The following ADAM22 variants were observed in gnomAD, a reference collection of about 807,000 sequenced individuals.
ADAM22 encodes the protein ADAM metallopeptidase domain 22.
A neutral mutation model predicts 144.6 loss-of-function variants in ADAM22; 65 were observed. That is an observed-to-expected ratio of 0.45 (90% CI 0.37 to 0.55). The LOEUF is 0.55. Among genes scored for constraint, ADAM22 ranks in the 20% least tolerant of loss-of-function variants. ADAM22 has a pLI of 0.00. For missense variants in ADAM22, 974 were observed against 1,184.9 expected (o/e 0.82, Z 2.61); for synonymous variants, 391 against 412.6 (o/e 0.95, Z 0.63).
chr7:87,955,220 A>G lies in ADAM22; in HGVS notation c.246+20034A>G, dbSNP rs547576372. Among the ~76,000 whole-genome samples the G allele has an allele frequency of 3.3e-5, 5 of 152,300 alleles. No homozygotes were observed. In the South Asian group the frequency reaches 8.3e-4, roughly 25 times the overall value. On this transcript the variant is annotated intron_variant, in intron 2 of 31. Coordinates refer to ENST00000413139, the MANE Select transcript of ADAM22 (RefSeq NM_001324418.2). ...GAGGAGGAGAGGCACTCTGCTTTTT[A>G]GAGTTTCCATTTTTCTGCTCTGTTT...
At chr7:88,087,460 C>T (rs538843706) in intron 4 of ADAM22, among the ~76,000 whole-genome samples, 6 of 152,100 alleles carry the variant, frequency 3.9e-5, no homozygotes, top group African/African-American at 1.2e-4. Context: ...TTTGAATGAA[C>T]GTATGAGGAA....
intron 3 of ADAM22, among the ~76,000 whole-genome samples, chr7:88,013,171 C>A (rs1199202524): frequency 6.6e-6 from 1 of 152,190 alleles, no homozygotes; most frequent in Non-Finnish European, 1.5e-5. Context: ...TTTATAGCAT[C>A]CAGTAGCTTC....
intron 2 of ADAM22, among the ~76,000 whole-genome samples, chr7:87,965,818 G>T (rs1279395690): frequency 6.6e-6 from 1 of 152,204 alleles, no homozygotes; most frequent in South Asian, 2.1e-4. Context: ...CTCCAGGAGA[G>T]ATTGTGACCC....
At chr7:88,103,330 A>C (rs1823463031) in intron 4 of ADAM22, among the ~76,000 whole-genome samples, 1 of 152,080 alleles carries the variant, frequency 6.6e-6, no homozygotes, top group African/African-American at 2.4e-5. Flanking sequence ...ATTTATAATA[A>C]ATTCTATTTT....
At chr7:88,087,832 GT>G (rs1235948249) in intron 4 of ADAM22, among the ~76,000 whole-genome samples, 1 of 152,138 alleles carries the variant, frequency 6.6e-6, no homozygotes, top group Non-Finnish European at 1.5e-5. Flanking sequence ...TTAACGATGA[GT>G]TTGTACAGAG....
At chr7:87,967,694 G>C (rs950817430) in intron 2 of ADAM22, among the ~76,000 whole-genome samples, 2 of 151,220 alleles carry the variant, frequency 1.3e-5, no homozygotes, top group African/African-American at 4.9e-5. Flanking sequence ...TGTAATCCCA[G>C]CTATTCGGGA....
intron 31 of ADAM22, among the ~76,000 whole-genome samples, chr7:88,195,291 A>T (rs1319565299): frequency 6.6e-6 from 1 of 152,124 alleles, no homozygotes; most frequent in East Asian, 1.9e-4. Context: ...TTTTCTGGTG[A>T]ACTGAGTTGC....
At chr7:87,964,952 A>T (rs1848714429) in intron 2 of ADAM22, among the ~76,000 whole-genome samples, 1 of 152,158 alleles carries the variant, frequency 6.6e-6, no homozygotes, top group African/African-American at 2.4e-5. Context: ...GTTTTAAGAC[A>T]TGGTTTTCTC....
At chr7:88,113,709 T>TATATTATAAATAA (rs1826863173) in intron 5 of ADAM22, among the ~76,000 whole-genome samples, 1 of 98,742 alleles carries the variant, frequency 1.0e-5, no homozygotes, top group African/African-American at 4.5e-5. Flanking sequence ...AATAAATATA[T>TATATTATAAATAA]ATATATATAT....
intron 1 of ADAM22, 39 bp downstream of exon 1, chr7:87,934,589 T>A (rs367685028): frequency 3.4e-5 from 54 of 1,576,170 alleles, no homozygotes; most frequent in Non-Finnish European, 4.2e-5. Flanking sequence ...GCCATACCAT[T>A]TCCCGGGAAT....
chr7:88,056,314 GAGA>G (rs767613513), intron 3 of ADAM22, among the ~76,000 whole-genome samples: 9 of 152,166 alleles, frequency 5.9e-5, no homozygotes, highest in Non-Finnish European at 1.3e-4. Context: ...AGAGAGCCAT[GAGA>G]AGAATATGTC....
chr7:87,952,305 A>C (rs1584538418), intron 2 of ADAM22, among the ~76,000 whole-genome samples: 1 of 151,604 alleles, frequency 6.6e-6, no homozygotes, highest in East Asian at 1.9e-4. Context: ...TATTATTTTG[A>C]GATACGTCCC....
chr7:88,084,974 C>G (rs935030476), intron 4 of ADAM22, among the ~76,000 whole-genome samples: 4 of 152,172 alleles, frequency 2.6e-5, no homozygotes, highest in African/African-American at 7.2e-5. Flanking sequence ...ATATCTGCAT[C>G]CTAATCTCTT....
At chr7:87,999,922 C>T (rs1480090512) in intron 3 of ADAM22, among the ~76,000 whole-genome samples, 1 of 151,564 alleles carries the variant, frequency 6.6e-6, no homozygotes, top group Non-Finnish European at 1.5e-5. Context: ...CTGTAGTGTT[C>T]CATAATTGCA....
intron 2 of ADAM22, among the ~76,000 whole-genome samples, chr7:87,938,325 A>G (rs765641218): frequency 7.1e-6 from 1 of 141,424 alleles, no homozygotes; most frequent in Non-Finnish European, 1.5e-5. Flanking sequence ...TTCAAGCGAT[A>G]TTCCTGTCTC....
chr7:88,082,817 T>G (rs1817191538), intron 4 of ADAM22, among the ~76,000 whole-genome samples: 1 of 151,926 alleles, frequency 6.6e-6, no homozygotes, highest in Admixed American at 6.6e-5. Flanking sequence ...AGAATGGCGA[T>G]CATTAAAAAG....
intron 2 of ADAM22, among the ~76,000 whole-genome samples, chr7:87,972,664 C>A (rs1293206135): frequency 1.3e-5 from 2 of 152,168 alleles, no homozygotes; most frequent in Non-Finnish European, 2.9e-5. Flanking sequence ...AGAGGCATCA[C>A]GCTACCTGAC....
At chr7:88,024,460 A>T (rs371162343) in intron 3 of ADAM22, among the ~76,000 whole-genome samples, 11 of 152,138 alleles carry the variant, frequency 7.2e-5, no homozygotes, top group Non-Finnish European at 1.5e-4. Flanking sequence ...ACACTTTTTC[A>T]TATGCCTGTT....
intron 29 of ADAM22, among the ~76,000 whole-genome samples, chr7:88,185,273 A>AATT (rs1848031825): frequency 6.6e-6 from 1 of 152,040 alleles, no homozygotes; most frequent in Non-Finnish European, 1.5e-5. Context: ...AAGCAACTGA[A>AATT]CCCTTCTTTC....
Sources: allele counts gnomAD v4.1 joint callset (sites outside exome capture counted in the v4.1 genomes callset), GRCh38; gene constraint gnomAD v4.1.1; transcripts MANE v1.5; gene names NCBI Gene and HGNC (gene_info 2026-07-23, HGNC 2026-07-21).